PCDH9: variants seen among roughly 807,000 people sequenced by gnomAD.
The protein encoded by PCDH9 is protocadherin 9.
PCDH9 carries 24 observed loss-of-function variants against 70.6 expected under a neutral mutation model. That is an observed-to-expected ratio of 0.34 (90% CI 0.25 to 0.48). PCDH9 has a LOEUF of 0.48. Ranked by LOEUF, PCDH9 falls within the 20% of genes least tolerant of loss-of-function variation. The pLI, the probability that PCDH9 is intolerant of heterozygous loss-of-function variation, is 0.99. For synonymous variants in PCDH9, 562 were observed against 558.5 expected, an observed-to-expected ratio of 1.01 and a Z score of -0.09; for missense variants, 1,281 against 1,503.6, an observed-to-expected ratio of 0.85 and a Z score of 2.45.
intron 4 of PCDH9, among the ~76,000 whole-genome samples, chr13:66,321,582 A>T (rs1012156334): frequency 6.6e-6 from 1 of 151,822 alleles, no homozygotes; most frequent in Admixed American, 6.6e-5. Flanking sequence ...AATCCCTAAG[A>T]TGGTCTGTTA....
chr13:67,114,885 G>A (rs2086728581), intron 2 of PCDH9, among the ~76,000 whole-genome samples: 1 of 152,170 alleles, frequency 6.6e-6, no homozygotes, highest in Non-Finnish European at 1.5e-5. Flanking sequence ...TGTAGAAATT[G>A]CCTTAGTTTT....
chr13:66,322,615 G>C (rs947779836), intron 4 of PCDH9, among the ~76,000 whole-genome samples: 3 of 152,132 alleles, frequency 2.0e-5, no homozygotes, highest in Non-Finnish European at 2.9e-5. Context: ...CAGCATCCTT[G>C]TTGGTGACTG....
intron 3 of PCDH9, among the ~76,000 whole-genome samples, chr13:66,650,831 G>GT (rs1369586248): frequency 1.3e-5 from 2 of 151,886 alleles, no homozygotes. Flanking sequence ...ATTATATCAA[G>GT]TATCTTCTCT....
chr13:66,458,571 G>T (rs1000759806), intron 4 of PCDH9, among the ~76,000 whole-genome samples: 1 of 151,910 alleles, frequency 6.6e-6, no homozygotes, highest in Non-Finnish European at 1.5e-5. Flanking sequence ...CAAAGGTAGC[G>T]AGTGTTTAAG....
At chr13:66,846,811 T>C (rs976136158) in intron 3 of PCDH9, among the ~76,000 whole-genome samples, 1 of 151,936 alleles carries the variant, frequency 6.6e-6, no homozygotes, top group Non-Finnish European at 1.5e-5. Flanking sequence ...AAGGCTGTAA[T>C]AGTAAAACTT....
At chr13:67,188,340 T>C (rs932978627) in intron 2 of PCDH9, among the ~76,000 whole-genome samples, 27 of 152,142 alleles carry the variant, frequency 1.8e-4, no homozygotes, top group African/African-American at 6.5e-4. Context: ...CTTTATTGAA[T>C]CTAAAAATGT....
In PCDH9 at chr13:66,832,129, C is replaced by A. The variant is rs543067439; in HGVS notation, c.3138+71375G>T. ...CTCTTTGACATAATAACAGCACAACCAGGGAACATTGCTAGCTGAGAGGAA... is the reference window on the plus strand; with the variant it reads ...CTCTTTGACATAATAACAGCACAACAAGGGAACATTGCTAGCTGAGAGGAA... On this transcript the variant is annotated intron_variant, in intron 3 of 4. Coordinates refer to ENST00000377865, the MANE Select transcript of PCDH9 (RefSeq NM_203487.3). Among the ~76,000 whole-genome samples the A allele has an allele frequency of 3.3e-5, 5 of 152,046 alleles. No individual in the cohort carries two copies. In the South Asian group the frequency reaches 1.0e-3, roughly 32 times the overall value.
chr13:66,527,525 A>G (rs890840614), intron 4 of PCDH9, among the ~76,000 whole-genome samples: 1 of 152,168 alleles, frequency 6.6e-6, no homozygotes, highest in African/African-American at 2.4e-5. Context: ...ATCAAAATAG[A>G]AAGTGCAGTC....
chr13:66,736,756 A>G (rs990333113), intron 3 of PCDH9, among the ~76,000 whole-genome samples: 7 of 152,250 alleles, frequency 4.6e-5, no homozygotes, highest in African/African-American at 1.7e-4. Context: ...GATGCTTACA[A>G]GAGTCTCATT....
At chr13:66,897,243 G>T (rs942629914) in intron 3 of PCDH9, among the ~76,000 whole-genome samples, 4 of 149,474 alleles carry the variant, frequency 2.7e-5, no homozygotes, top group Non-Finnish European at 5.9e-5. Context: ...GAAAGGAAAG[G>T]AGGGAGGGAA....
chr13:66,358,393 C>T (rs916849120), intron 4 of PCDH9, among the ~76,000 whole-genome samples: 3 of 151,670 alleles, frequency 2.0e-5, no homozygotes, highest in Non-Finnish European at 4.4e-5. Context: ...ATTGTTACAT[C>T]AAAATAAGAG....
At chr13:66,748,091 T>C (rs2079400274) in intron 3 of PCDH9, among the ~76,000 whole-genome samples, 1 of 152,190 alleles carries the variant, frequency 6.6e-6, no homozygotes, top group Non-Finnish European at 1.5e-5. Context: ...GCAGAAAAAC[T>C]TGAATTGCTG....
At chr13:66,461,777 A>G (rs753430540) in intron 4 of PCDH9, among the ~76,000 whole-genome samples, 1 of 151,908 alleles carries the variant, frequency 6.6e-6, no homozygotes, top group Non-Finnish European at 1.5e-5. Flanking sequence ...ACTGTACAAT[A>G]TGTAATTTCC....
At chr13:66,829,907 A>C (rs773570646) in intron 3 of PCDH9, among the ~76,000 whole-genome samples, 11 of 151,964 alleles carry the variant, frequency 7.2e-5, no homozygotes, top group Non-Finnish European at 1.3e-4. Flanking sequence ...ATTTGACCCT[A>C]AGGCTAACAC....
chr13:66,548,888 T>C (rs1164729666), intron 4 of PCDH9, among the ~76,000 whole-genome samples: 1 of 152,120 alleles, frequency 6.6e-6, no homozygotes, highest in Non-Finnish European at 1.5e-5. Context: ...CCATCGATAA[T>C]GTTTTTTATT....
chr13:67,067,437 A>T lies in PCDH9; in HGVS notation c.3036+157968T>A, dbSNP rs1325728614. ...TTCCATTTTTGTGTACTGGCTTCTG[A>T]ATTACTTAGAGACCATCTCAATTTG... On this transcript the variant is annotated intron_variant, in intron 2 of 4. Transcript: ENST00000377865. Among the ~76,000 whole-genome samples, 4 of 152,104 alleles carry T rather than the reference A, an allele frequency of 2.6e-5. No individual in the cohort carries two copies. In the East Asian group the frequency reaches 5.8e-4, roughly 22 times the overall value.
chr13:66,497,076 G>GT (rs200404163), intron 4 of PCDH9, among the ~76,000 whole-genome samples: 149 of 147,522 alleles, frequency 1.0e-3, no homozygotes, highest in East Asian at 5.7e-3. Context: ...TACTTTTTCA[G>GT]TTTTTTTTTT....
chr13:66,636,934 T>C (rs2077645990), intron 3 of PCDH9, among the ~76,000 whole-genome samples: 2 of 152,250 alleles, frequency 1.3e-5, no homozygotes, highest in Admixed American at 6.5e-5. Context: ...ATATCTCTTC[T>C]CAAAGTAGCA....
At chr13:66,488,853 C>T (rs1440871669) in intron 4 of PCDH9, among the ~76,000 whole-genome samples, 1 of 152,002 alleles carries the variant, frequency 6.6e-6, no homozygotes, top group Non-Finnish European at 1.5e-5. Flanking sequence ...TATTGCATTA[C>T]ATAAAAATGC....
Sources: allele counts gnomAD v4.1 joint callset (sites outside exome capture counted in the v4.1 genomes callset), GRCh38; gene constraint gnomAD v4.1.1; transcripts MANE v1.5; gene names NCBI Gene and HGNC (gene_info 2026-07-23, HGNC 2026-07-21).